The following TRPS1 variants were observed in gnomAD, a reference collection of about 807,000 sequenced individuals.
The protein encoded by TRPS1 is transcriptional repressor GATA binding 1, also known as zinc finger transcription factor Trps1.
A neutral mutation model predicts 101.2 loss-of-function variants in TRPS1; 6 were observed. The ratio of observed to expected loss-of-function variants is 0.06; its 90% CI spans 0.03 to 0.12. The LOEUF is 0.12. Ranked by LOEUF, TRPS1 falls within the 10% of genes least tolerant of loss-of-function variation. The probability of loss-of-function intolerance (pLI) is 1.00; values close to 1 mark genes in which losing one functional copy is unlikely to be tolerated. For missense variants in TRPS1, 1,363 were observed against 1,567.0 expected (o/e 0.87, Z 2.20); for synonymous variants, 578 against 589.8 (o/e 0.98, Z 0.29).
At chr8:115,501,148 T>C (rs1014881765) in intron 5 of TRPS1, among the ~76,000 whole-genome samples, 1 of 152,214 alleles carries the variant, frequency 6.6e-6, no homozygotes, top group African/African-American at 2.4e-5. Flanking sequence ...TCAGAAATAA[T>C]ACTAGAATCT....
chr8:115,498,737 T>A lies in TRPS1; in HGVS notation c.2701-80285A>T, dbSNP rs180931602. 5.3e-5 allele frequency among the ~76,000 whole-genome samples: 8 copies of A among 152,158 alleles called. No homozygotes were observed. The East Asian group carries it at 1.6e-3, about 30-fold the overall frequency. On this transcript the variant is annotated intron_variant, in intron 5 of 6. Coordinates refer to ENST00000395715, the MANE Select transcript of TRPS1 (RefSeq NM_014112.5). ...CACTAAAGGAACTTCATCCTGCATA[T>A]TTCTTTGAAGAAATGCCCTGGTTGA...
chr8:115,557,102 G>A (rs777609751), intron 5 of TRPS1, among the ~76,000 whole-genome samples: 7 of 152,058 alleles, frequency 4.6e-5, no homozygotes, highest in African/African-American at 9.7e-5. Flanking sequence ...GAGAGCTTGT[G>A]CAGGGAAACC....
At chr8:115,535,333 T>C (rs1357228355) in intron 5 of TRPS1, among the ~76,000 whole-genome samples, 1 of 147,846 alleles carries the variant, frequency 6.8e-6, no homozygotes, top group Non-Finnish European at 1.5e-5. Context: ...AGAGCATATA[T>C]AGCGCATATA....
At chr8:115,667,472 C>T (rs568291734) in intron 1 of TRPS1, among the ~76,000 whole-genome samples, 1 of 152,336 alleles carries the variant, frequency 6.6e-6, no homozygotes, top group South Asian at 2.1e-4. Context: ...GAAGGCAAAG[C>T]GTCTGTCCGC....
chr8:115,490,845 C>T (rs1161320947), intron 5 of TRPS1, among the ~76,000 whole-genome samples: 1 of 152,196 alleles, frequency 6.6e-6, no homozygotes, highest in African/African-American at 2.4e-5. Flanking sequence ...AAAGCGATCA[C>T]TCCTTTATTC....
At chr8:115,432,983 G>A (rs1458601101) in intron 5 of TRPS1, among the ~76,000 whole-genome samples, 1 of 151,634 alleles carries the variant, frequency 6.6e-6, no homozygotes, top group African/African-American at 2.4e-5. Context: ...AATCAGAAAT[G>A]GAAAAATAAT....
chr8:115,613,259 A>G (rs978775752), intron 3 of TRPS1, among the ~76,000 whole-genome samples: 1 of 152,232 alleles, frequency 6.6e-6, no homozygotes, highest in African/African-American at 2.4e-5. Flanking sequence ...GAATCACTGT[A>G]ATTTTAAAAA....
intron 1 of TRPS1, among the ~76,000 whole-genome samples, chr8:115,627,324 C>G (rs2130552197): frequency 6.6e-6 from 1 of 151,766 alleles, no homozygotes; most frequent in East Asian, 1.9e-4. Flanking sequence ...GTTTTCCTCT[C>G]AAAACACACA....
chr8:115,475,254 T>C (rs1355021354), intron 5 of TRPS1, among the ~76,000 whole-genome samples: 1 of 135,692 alleles, frequency 7.4e-6, no homozygotes, highest in Non-Finnish European at 1.5e-5. Context: ...ACTATATATT[T>C]TTGAATCACA....
In TRPS1 at chr8:115,513,132, A is replaced by C. The variant is rs548520115; in HGVS notation, c.2700+73869T>G. On this transcript the variant is annotated intron_variant, in intron 5 of 6. Coordinates refer to ENST00000395715, the MANE Select transcript of TRPS1 (RefSeq NM_014112.5). Reference sequence around the variant, plus strand: ...GGAAATATCTGAAATGTAGTCAGGCACTCATAATATTAAGTATTTGAATAG... The same window carrying C: ...GGAAATATCTGAAATGTAGTCAGGCCCTCATAATATTAAGTATTTGAATAG... Among the ~76,000 whole-genome samples the C allele has an allele frequency of 1.1e-4, 17 of 151,890 alleles. 1 individual carries two copies. In the South Asian group the frequency reaches 3.5e-3, roughly 31 times the overall value.
intron 5 of TRPS1, among the ~76,000 whole-genome samples, chr8:115,459,825 G>T (rs1208026072): frequency 6.6e-6 from 1 of 152,166 alleles, no homozygotes; most frequent in Non-Finnish European, 1.5e-5. Context: ...GATTTTGCCA[G>T]AATGTTGAGT....
rs554669132 is a variant in TRPS1 at position 115,546,222 on chromosome 8, A to G, written c.2700+40779T>C. Among the ~76,000 whole-genome samples the G allele has an allele frequency of 9.5e-4, 144 of 151,868 alleles. 1 individual carries two copies. Among genetic ancestry groups the G allele is most frequent in the African/African-American group, 3.4e-3 (142 of 41,516 alleles). On this transcript the variant is annotated intron_variant, in intron 5 of 6. Transcript: ENST00000395715. ...TGTAAAAATTAAATTCTTGCATTTAATTAAATACACACATATGTATACACT... is the reference window on the plus strand; with the variant it reads ...TGTAAAAATTAAATTCTTGCATTTAGTTAAATACACACATATGTATACACT...
intron 1 of TRPS1, chr8:115,637,377 GTA>G (rs1471083756): frequency 1.2e-6 from 1 of 858,518 alleles, no homozygotes; most frequent in African/African-American, 1.8e-5. Flanking sequence ...GGTGTGACAT[GTA>G]GACGGAAGAA....
Position 115,409,356 on chromosome 8 carries a change from T to A in TRPS1, c.*4667A>T, listed in dbSNP as rs1323477320. On this transcript the variant is annotated 3_prime_UTR_variant, in exon 7 of 7. Coordinates refer to ENST00000395715, the MANE Select transcript of TRPS1 (RefSeq NM_014112.5). ...ATTTTCTCTGATAAAAGCTAAACAT[T>A]ATTTCCACGGTAAAGTTATTCCTGC... The A allele has an allele frequency of 6.6e-6, 1 of 151,194 alleles. No homozygotes were observed. The highest frequency in any genetic ancestry group is 2.0e-4 in the East Asian group (1 of 5,094). 9.4% of individuals were successfully genotyped at this position (151,194 alleles called of 1,614,324 possible).
chr8:115,479,015 TTAA>T (rs1475339030), intron 5 of TRPS1, among the ~76,000 whole-genome samples: 1 of 150,988 alleles, frequency 6.6e-6, no homozygotes, highest in Non-Finnish European at 1.5e-5. Context: ...TTCAGCTAAC[TTAA>T]TAAACAGTTT....
intron 5 of TRPS1, among the ~76,000 whole-genome samples, chr8:115,526,460 T>G (rs1816002268): frequency 6.6e-6 from 1 of 152,210 alleles, no homozygotes. Context: ...AGTATTATTA[T>G]TATCTTTCAA....
intron 1 of TRPS1, among the ~76,000 whole-genome samples, chr8:115,635,129 C>G (rs1818739045): frequency 6.6e-6 from 1 of 152,140 alleles, no homozygotes; most frequent in African/African-American, 2.4e-5. Flanking sequence ...TTTCTGATGA[C>G]CAGAATACTG....
chr8:115,636,825 T>C (rs1818777467), intron 1 of TRPS1, among the ~76,000 whole-genome samples: 1 of 151,680 alleles, frequency 6.6e-6, no homozygotes, highest in African/African-American at 2.4e-5. Flanking sequence ...GGCAGGAGAA[T>C]CGCTTGAACC....
At chr8:115,485,853 G>A (rs1814866064) in intron 5 of TRPS1, among the ~76,000 whole-genome samples, 1 of 152,224 alleles carries the variant, frequency 6.6e-6, no homozygotes, top group African/African-American at 2.4e-5. Context: ...AGAACAGGAA[G>A]ACCAGGTAGT....
Sources: allele counts gnomAD v4.1 joint callset (sites outside exome capture counted in the v4.1 genomes callset), GRCh38; gene constraint gnomAD v4.1.1; transcripts MANE v1.5; gene names NCBI Gene and HGNC (gene_info 2026-07-23, HGNC 2026-07-21).